STK3: variants seen among roughly 807,000 people sequenced by gnomAD.
The protein encoded by STK3 is serine/threonine-protein kinase 3.
A neutral mutation model predicts 58.0 loss-of-function variants in STK3; 41 were observed. The ratio of observed to expected loss-of-function variants is 0.71; its 90% CI spans 0.55 to 0.92. The LOEUF is 0.92. Ranked by LOEUF, STK3 falls within the 40% of genes least tolerant of loss-of-function variation. The pLI is 0.00. For missense variants in STK3, 479 were observed against 602.7 expected, an observed-to-expected ratio of 0.79 and a Z score of 2.15; for synonymous variants, 170 against 191.0, an observed-to-expected ratio of 0.89 and a Z score of 0.91.
chr8:98,890,430 A>G (rs1838153295), intron 1 of STK3, among the ~76,000 whole-genome samples: 1 of 152,218 alleles, frequency 6.6e-6, no homozygotes, highest in African/African-American at 2.4e-5. Flanking sequence ...GGACACATTA[A>G]TGAATGTAGA....
At chr8:98,729,211 A>G (rs1328536554) in intron 4 of STK3, among the ~76,000 whole-genome samples, 3 of 152,154 alleles carry the variant, frequency 2.0e-5, no homozygotes, top group East Asian at 3.9e-4. Flanking sequence ...CCTGGGTTCA[A>G]GTGATTCTCA....
chr8:98,921,709 T>A (rs909038136), intron 1 of STK3, among the ~76,000 whole-genome samples: 3 of 152,180 alleles, frequency 2.0e-5, no homozygotes, highest in African/African-American at 7.2e-5. Context: ...TTTTTTGTTT[T>A]TTGAGACAGT....
intron 1 of STK3, among the ~76,000 whole-genome samples, chr8:98,820,530 T>C (rs901675474): frequency 6.6e-6 from 1 of 152,232 alleles, no homozygotes; most frequent in Non-Finnish European, 1.5e-5. Flanking sequence ...TATATTTTCA[T>C]GCTGCCCACC....
the STK3 span, among the ~76,000 whole-genome samples, chr8:98,352,015 A>C: frequency 6.6e-6 from 1 of 151,874 alleles, no homozygotes; most frequent in Non-Finnish European, 1.5e-5. Flanking sequence ...AAAATTAGCC[A>C]GATCCCAGCT....
chr8:98,813,821 T>A (rs1215173983), intron 1 of STK3, among the ~76,000 whole-genome samples: 1 of 152,070 alleles, frequency 6.6e-6, no homozygotes, highest in Admixed American at 6.6e-5. Context: ...AATCACAAAT[T>A]CAGAAAATAT....
At chr8:98,785,318 C>G (rs773453930) in intron 1 of STK3, among the ~76,000 whole-genome samples, 7 of 152,190 alleles carry the variant, frequency 4.6e-5, no homozygotes, top group African/African-American at 1.7e-4. Flanking sequence ...CACTTCATAT[C>G]CAGGCAGATG....
chr8:98,738,430 G>A (rs943241816), intron 4 of STK3, among the ~76,000 whole-genome samples: 15 of 152,062 alleles, frequency 9.9e-5, no homozygotes, highest in Admixed American at 3.9e-4. Flanking sequence ...CCAAGATCAC[G>A]CCATTGCACT....
chr8:98,582,663 C>T (rs75973894), intron 7 of STK3, among the ~76,000 whole-genome samples: 1,632 of 152,156 alleles, frequency 0.011, 10 homozygotes, highest in Non-Finnish European at 0.017. Context: ...TCATAATATG[C>T]TAGTTTCCTT....
chr8:98,765,132 C>T (rs1830862458), intron 3 of STK3, among the ~76,000 whole-genome samples: 2 of 152,134 alleles, frequency 1.3e-5, no homozygotes, highest in South Asian at 2.1e-4. Flanking sequence ...AATGCTAATC[C>T]TTGAACTATT....
intron 1 of STK3, among the ~76,000 whole-genome samples, chr8:98,794,754 A>C (rs1833019102): frequency 6.6e-6 from 1 of 152,056 alleles, no homozygotes. Flanking sequence ...CATAAGACAC[A>C]AAAATCCTCA....
At chr8:98,555,138 T>C (rs2131609490) in intron 8 of STK3, among the ~76,000 whole-genome samples, 1 of 152,174 alleles carries the variant, frequency 6.6e-6, no homozygotes, top group East Asian at 1.9e-4. Flanking sequence ...ATACAAATAT[T>C]TGAAAACATT....
At chr8:98,572,533 T>A (rs149112520) in intron 8 of STK3, among the ~76,000 whole-genome samples, 124 of 152,342 alleles carry the variant, frequency 8.1e-4, no homozygotes, top group Admixed American at 1.8e-3. Flanking sequence ...GAATAAATGA[T>A]ATAAACTATT....
intron 3 of STK3, among the ~76,000 whole-genome samples, chr8:98,754,534 G>A (rs1830174427): frequency 6.6e-6 from 1 of 150,456 alleles, no homozygotes; most frequent in Non-Finnish European, 1.5e-5. Context: ...TTCTGAAGCA[G>A]AATCTCATTC....
chr8:98,500,797 T>A (rs545297954), intron 10 of STK3, among the ~76,000 whole-genome samples: 5 of 152,318 alleles, frequency 3.3e-5, no homozygotes, highest in South Asian at 4.1e-4. Flanking sequence ...ATCTTTGTAA[T>A]CCAGTCTATC....
intron 4 of STK3, 132 bp downstream of exon 4, chr8:98,749,144 A>G (rs2131354610): frequency 1.8e-6 from 1 of 556,784 alleles, no homozygotes; most frequent in Non-Finnish European, 3.1e-6. Context: ...CTCCTACTAG[A>G]TATCTTTACA....
At chr8:98,908,567 T>G (rs1334430039) in intron 1 of STK3, among the ~76,000 whole-genome samples, 1 of 152,124 alleles carries the variant, frequency 6.6e-6, no homozygotes, top group African/African-American at 2.4e-5. Context: ...CAAAAATGGC[T>G]GGGCGTGGTG....
chr8:98,605,421 A>G (rs1173289040), intron 6 of STK3, among the ~76,000 whole-genome samples: 1 of 151,118 alleles, frequency 6.6e-6, no homozygotes, highest in Non-Finnish European at 1.5e-5. Context: ...GGTGAAGGGG[A>G]AGCAAGCACA....
chr8:98,662,407 G>A (rs1207357277), intron 6 of STK3, among the ~76,000 whole-genome samples: 1 of 152,112 alleles, frequency 6.6e-6, no homozygotes, highest in Non-Finnish European at 1.5e-5. Flanking sequence ...AAATTCTGAT[G>A]TGGAATTCCC....
the STK3 span, among the ~76,000 whole-genome samples, chr8:98,365,127 G>A: frequency 3.3e-5 from 5 of 152,166 alleles, no homozygotes; most frequent in African/African-American, 1.2e-4. Context: ...GCCTTCTGGG[G>A]TGAATATTAC....
Sources: allele counts gnomAD v4.1 joint callset (sites outside exome capture counted in the v4.1 genomes callset), GRCh38; gene constraint gnomAD v4.1.1; transcripts MANE v1.5; gene names NCBI Gene and HGNC (gene_info 2026-07-23, HGNC 2026-07-21).